The following MINDY2 variants were observed in gnomAD, a reference collection of about 807,000 sequenced individuals.
MINDY2 encodes the protein MINDY lysine 48 deubiquitinase 2.
MINDY2 carries 52 observed loss-of-function variants against 68.2 expected under a neutral mutation model. The ratio of observed to expected loss-of-function variants is 0.76; its 90% CI spans 0.61 to 0.96. The LOEUF is 0.96. Among genes scored for constraint, MINDY2 ranks in the 40% least tolerant of loss-of-function variants. The probability of loss-of-function intolerance (pLI) is 0.00; values close to 1 mark genes in which losing one functional copy is unlikely to be tolerated. For missense variants in MINDY2, 881 were observed against 773.4 expected (o/e 1.14, Z -1.65); for synonymous variants, 372 against 303.0 (o/e 1.23, Z -2.36).
intron 5 of MINDY2, among the ~76,000 whole-genome samples, chr15:58,831,033 G>GTA (rs1294321709): frequency 9.5e-6 from 1 of 105,552 alleles, no homozygotes; most frequent in Admixed American, 1.0e-4. Context: ...GTGTGTGTGT[G>GTA]TGTGTGTGTA....
intron 2 of MINDY2, among the ~76,000 whole-genome samples, chr15:58,797,805 C>T (rs556159429): frequency 1.3e-5 from 2 of 152,270 alleles, no homozygotes; most frequent in South Asian, 4.1e-4. Flanking sequence ...GCCATGAGTT[C>T]TGCAAATGAA....
intron 2 of MINDY2, among the ~76,000 whole-genome samples, chr15:58,798,119 T>C (rs2140944572): frequency 6.6e-6 from 1 of 152,258 alleles, no homozygotes; most frequent in South Asian, 2.1e-4. Flanking sequence ...TTTCTTTCTT[T>C]TCTTTTTTTC....
chr15:58,854,715 G>T lies in MINDY2; in HGVS notation c.*105G>T. 7.3e-7 allele frequency: 1 copy of T among 1,367,370 alleles called. No individual in the cohort carries two copies. The highest frequency in any genetic ancestry group is 1.6e-5 in the South Asian group (1 of 64,126). 84.7% of individuals were successfully genotyped at this position (1,367,370 alleles called of 1,614,324 possible). A position where few individuals can be genotyped will look rare whatever the true frequency, so the allele number is the denominator to read the frequency against. ...TACCGTCTGTGCCTGATTTCCTAAT[G>T]GATTTTGTTCGTTTTTTCAGGGGAA... On this transcript the variant is annotated 3_prime_UTR_variant, in exon 9 of 9. Transcript: ENST00000559228.
chr15:58,780,367 A>C (rs1264802783), intron 1 of MINDY2, among the ~76,000 whole-genome samples: 1 of 151,860 alleles, frequency 6.6e-6, no homozygotes, highest in East Asian at 1.9e-4. Flanking sequence ...GCGCCATTGC[A>C]CTCCAGCCTG....
At chr15:58,810,008 C>T (rs2030114441) in intron 3 of MINDY2, among the ~76,000 whole-genome samples, 1 of 152,146 alleles carries the variant, frequency 6.6e-6, no homozygotes, top group African/African-American at 2.4e-5. Flanking sequence ...AACTCCTGAC[C>T]TCAAGTGATC....
intron 5 of MINDY2, among the ~76,000 whole-genome samples, chr15:58,827,674 G>A (rs572554556): frequency 5.3e-5 from 8 of 152,078 alleles, no homozygotes; most frequent in East Asian, 1.9e-4. Flanking sequence ...CCGTGGTCTC[G>A]ATCTCCTGAC....
intron 6 of MINDY2, among the ~76,000 whole-genome samples, chr15:58,844,004 CCT>C (rs1491020858): frequency 2.1e-5 from 3 of 142,778 alleles, no homozygotes; most frequent in African/African-American, 3.0e-5. Flanking sequence ...TGCATTAAAA[CCT>C]ATTCTATATT....
rs774780691 is a variant in MINDY2 at position 58,847,291 on chromosome 15, A to C, written c.1369-6A>C. The C allele has an allele frequency of 1.9e-6, 3 of 1,545,910 alleles. No individual in the cohort carries two copies. In the East Asian group the frequency reaches 6.9e-5, roughly 35 times the overall value. ...AGTCCTTTTTCTTTTGTTACTTCTTATTAAGGGTCAACTGTATTTGTTGGT... is the reference window on the plus strand; with the variant it reads ...AGTCCTTTTTCTTTTGTTACTTCTTCTTAAGGGTCAACTGTATTTGTTGGT... On this transcript the variant is annotated splice_polypyrimidine_tract_variant and splice_region_variant and intron_variant, in intron 6 of 8. Transcript: ENST00000559228.
At position 58,829,402 on chromosome 15, in the gene MINDY2, C is replaced by T. The variant is rs372682616; in HGVS notation, c.1226-2372C>T. 1.4e-4 allele frequency among the ~76,000 whole-genome samples: 21 copies of T among 152,310 alleles called. No individual in the cohort carries two copies. In the East Asian group the frequency reaches 3.7e-3, roughly 27 times the overall value. On this transcript the variant is annotated intron_variant, in intron 5 of 8. Coordinates refer to ENST00000559228, the MANE Select transcript of MINDY2 (RefSeq NM_001040450.3). ...CATAATAATTCTCCTAGGTTACTGT[C>T]TTCCCTTTGCCATAACTAGTTTGAT...
chr15:58,839,312 T>C (rs1381177377), intron 6 of MINDY2, among the ~76,000 whole-genome samples: 1 of 146,458 alleles, frequency 6.8e-6, no homozygotes, highest in African/African-American at 2.6e-5. Context: ...TCTGTTAAGT[T>C]AGACTGTTTT....
intron 6 of MINDY2, among the ~76,000 whole-genome samples, chr15:58,840,251 G>C (rs1163606748): frequency 6.6e-6 from 1 of 152,178 alleles, no homozygotes; most frequent in Non-Finnish European, 1.5e-5. Context: ...AACGAATATA[G>C]TACAAACAAT....
At chr15:58,775,288 T>G (rs1373914008) in intron 1 of MINDY2, among the ~76,000 whole-genome samples, 1 of 152,204 alleles carries the variant, frequency 6.6e-6, no homozygotes, top group Non-Finnish European at 1.5e-5. Context: ...TTGGGGGTCC[T>G]CAATCATTTT....
chr15:58,831,732 TGAAA>T (rs1595761713), intron 5 of MINDY2, 38 bp from the exon 6 acceptor site: 4 of 1,550,714 alleles, frequency 2.6e-6, no homozygotes, highest in Admixed American at 4.2e-5. Flanking sequence ...TTTTTGATTT[TGAAA>T]TTATTCTTCT....
At chr15:58,776,026 A>G (rs1035573864) in intron 1 of MINDY2, among the ~76,000 whole-genome samples, 10 of 151,956 alleles carry the variant, frequency 6.6e-5, no homozygotes, top group Non-Finnish European at 1.5e-4. Flanking sequence ...CACACCAGCT[A>G]ATTTTGTATT....
At chr15:58,852,693 G>A (rs1391443776) in intron 8 of MINDY2, among the ~76,000 whole-genome samples, 1 of 152,004 alleles carries the variant, frequency 6.6e-6, no homozygotes, top group Non-Finnish European at 1.5e-5. Flanking sequence ...TAAAATAGAA[G>A]AACTCTTAAG....
intron 3 of MINDY2, among the ~76,000 whole-genome samples, chr15:58,803,457 ACT>A (rs1266376052): frequency 6.8e-6 from 1 of 148,060 alleles, no homozygotes; most frequent in Non-Finnish European, 1.5e-5. Flanking sequence ...ACAGAGCAAG[ACT>A]CTGTCTCATA....
At chr15:58,801,279 T>TA (rs1225368017) in intron 2 of MINDY2, among the ~76,000 whole-genome samples, 1 of 150,904 alleles carries the variant, frequency 6.6e-6, no homozygotes, top group Non-Finnish European at 1.5e-5. Flanking sequence ...CAGCCCAGTT[T>TA]AGCTTTTACA....
intron 1 of MINDY2, among the ~76,000 whole-genome samples, chr15:58,785,134 G>GAAAAAAA (rs1595706584): frequency 3.8e-5 from 1 of 26,262 alleles, no homozygotes; most frequent in East Asian, 1.3e-3. Flanking sequence ...GTGAAGGAAA[G>GAAAAAAA]CAAAAAAAAA....
intron 2 of MINDY2, among the ~76,000 whole-genome samples, chr15:58,801,944 C>T (rs537060651): frequency 6.6e-6 from 1 of 152,184 alleles, no homozygotes; most frequent in African/African-American, 2.4e-5. Flanking sequence ...TTTTTTACTT[C>T]TCAGTGTTGC....
Sources: allele counts gnomAD v4.1 joint callset (sites outside exome capture counted in the v4.1 genomes callset), GRCh38; gene constraint gnomAD v4.1.1; transcripts MANE v1.5; gene names NCBI Gene and HGNC (gene_info 2026-07-23, HGNC 2026-07-21).